DBET: variants seen among roughly 807,000 people sequenced by gnomAD.
The protein encoded by DBET is D4Z4 binding element transcript (non-protein coding).
At chr4:190,065,109 T>C (rs1299454742) in exon 1 of DBET, 1 of 463,908 alleles carries the variant, frequency 2.2e-6, no homozygotes, top group African/African-American at 2.8e-5. Context: ...TTGGCATTGC[T>C]TTTGGGGATC....
At chr4:190,064,917 T>A in exon 1 of DBET, 1 of 232,292 alleles carries the variant, frequency 4.3e-6, no homozygotes, top group Non-Finnish European at 8.1e-6. Context: ...CAGTGCAAAC[T>A]GTTTTCAGAA....
chr4:190,065,042 G>C lies in DBET; in HGVS notation n.541G>C, dbSNP rs1172861140. On this transcript the variant is annotated non_coding_transcript_exon_variant, in exon 1 of 1. Coordinates refer to ENST00000630918, the Ensembl canonical transcript of DBET. ...CCTCCCAGAATCTTAAAGTGCATTC[G>C]AACTCACAGGCAAAATCCTCCCAGA... is the stretch of plus-strand genomic sequence containing the variant. 3.3e-5 allele frequency: 14 copies of C among 429,498 alleles called. 2 individuals carry two copies. The highest frequency in any genetic ancestry group is 4.9e-5 in the Non-Finnish European group (12 of 243,308). 26.6% of individuals were successfully genotyped at this position (429,498 alleles called of 1,614,324 possible).
exon 1 of DBET, chr4:190,064,635 A>G (rs1162647161): frequency 7.3e-6 from 1 of 137,144 alleles, no homozygotes; most frequent in Admixed American, 7.1e-5. Flanking sequence ...GAAAGAATCT[A>G]GTCATTAGAC....
At chr4:190,065,821 G>T (rs868986551) in exon 1 of DBET, 1,624 of 55,856 alleles carry the variant, frequency 0.029, 74 homozygotes, top group East Asian at 0.093. Flanking sequence ...TCCTAGAAAC[G>T]GAGGCCCCGG....
Position 190,065,829 on chromosome 4 carries a change from C to T in DBET, n.1328C>T, listed in dbSNP as rs1339821155. 9.8e-4 allele frequency: 77 copies of T among 78,712 alleles called. 2 individuals are homozygous for T. Among genetic ancestry groups the T allele is most frequent in the Middle Eastern group, 8.4e-3 (2 of 238 alleles). 4.9% of individuals were successfully genotyped at this position (78,712 alleles called of 1,614,324 possible). A position where few individuals can be genotyped will look rare whatever the true frequency, so the allele number is the denominator to read the frequency against. The stretch of plus-strand genomic sequence containing the variant: ...CAACCTCTCCTAGAAACGGAGGCCC[C>T]GGGGGAGCTGGAGGCCTCGGAAGAG... On this transcript the variant is annotated non_coding_transcript_exon_variant, in exon 1 of 1. Coordinates refer to ENST00000630918, the Ensembl canonical transcript of DBET.
chr4:190,064,637 T>A (rs1740565608), exon 1 of DBET: 1 of 136,916 alleles, frequency 7.3e-6, no homozygotes, highest in Admixed American at 7.1e-5. Context: ...AAGAATCTAG[T>A]CATTAGACAA....
chr4:190,064,684 C>A (rs1740566731), exon 1 of DBET: 1 of 133,104 alleles, frequency 7.5e-6, no homozygotes, highest in Non-Finnish European at 1.6e-5. Flanking sequence ...ACATATTCTA[C>A]TGTTTTAATT....
At chr4:190,064,660 C>A (rs1452324646) in exon 1 of DBET, 4 of 134,606 alleles carry the variant, frequency 3.0e-5, no homozygotes, top group Non-Finnish European at 6.3e-5. Context: ...TATCAAAAAG[C>A]CAAACATTTC....
chr4:190,064,547 A>C (rs1465266151), exon 1 of DBET: 1 of 138,606 alleles, frequency 7.2e-6, no homozygotes, highest in African/African-American at 3.1e-5. Flanking sequence ...TGTAGCAAAC[A>C]CTCATCTTTC....
At chr4:190,065,060 C>A in exon 1 of DBET, 1 of 439,950 alleles carries the variant, frequency 2.3e-6, no homozygotes, top group East Asian at 3.5e-5. Context: ...AGGCAAAATC[C>A]TCCCAGAATC....
chr4:190,064,533 G>A (rs1740562350), exon 1 of DBET: 1 of 137,398 alleles, frequency 7.3e-6, no homozygotes, highest in Non-Finnish European at 1.5e-5. Flanking sequence ...AGTTTCACTA[G>A]TGCTGTAGCA....
exon 1 of DBET, chr4:190,064,986 T>C (rs1430888007): frequency 8.1e-6 from 3 of 368,360 alleles, no homozygotes; most frequent in East Asian, 7.7e-5. Context: ...ATGCTTATTC[T>C]ACTCTGCAAT....
chr4:190,064,948 G>A, exon 1 of DBET: 1 of 278,194 alleles, frequency 3.6e-6, no homozygotes, highest in South Asian at 7.1e-5. Flanking sequence ...TATTTTCCTT[G>A]CTGTAACAGA....
exon 1 of DBET, chr4:190,064,539 T>G (rs1740562494): frequency 7.3e-6 from 1 of 137,706 alleles, no homozygotes. Flanking sequence ...ACTAGTGCTG[T>G]AGCAAACACT....
rs1262753823 is a variant in DBET, at chr4:190,064,574, A to G, written n.73A>G. ...TCATCTTTCTTCTCAGCAGACACAAACTGTCATCTATATGACTCCATCATG... is the reference window on the plus strand; with the variant it reads ...TCATCTTTCTTCTCAGCAGACACAAGCTGTCATCTATATGACTCCATCATG... On this transcript the variant is annotated non_coding_transcript_exon_variant, in exon 1 of 1. Transcript: ENST00000630918. The G allele has an allele frequency of 1.4e-5, 2 of 139,494 alleles. 1 individual carries two copies. Among genetic ancestry groups the G allele is most frequent in the African/African-American group, 6.1e-5 (2 of 32,774 alleles). The allele number at this position is 139,494 out of a possible 1,614,324, so 8.6% of individuals were successfully genotyped here. A position where few individuals can be genotyped will look rare whatever the true frequency, so the allele number is the denominator to read the frequency against.
chr4:190,066,609 GCA>G (rs1740672082), exon 1 of DBET: 2 of 1,478 alleles, frequency 1.4e-3, no homozygotes, highest in Non-Finnish European at 4.2e-3. Flanking sequence ...TAGGAGGGAG[GCA>G]GGGAGGCAGG....
At chr4:190,065,164 A>T (rs2856397) in exon 1 of DBET, 211,746 of 477,926 alleles carry the variant, frequency 0.44, 66,454 homozygotes, top group African/African-American at 0.63. Context: ...TCATGCCATT[A>T]TTTATAAATC....
chr4:190,065,861 C>T (rs1579774148), exon 1 of DBET: 1 of 102,610 alleles, frequency 9.7e-6, no homozygotes, highest in South Asian at 4.1e-5. Context: ...AGAGGCGCCT[C>T]GCTGGAAGCA....
rs1412798042 is a variant in DBET at position 190,064,834 on chromosome 4, G to A, written n.333G>A. 2.8e-4 allele frequency: 39 copies of A among 138,410 alleles called. 6 individuals are homozygous for A. Among genetic ancestry groups the A allele is most frequent in the Non-Finnish European group, 3.0e-5 (2 of 65,924 alleles). The allele number at this position is 138,410 out of a possible 1,614,324, so 8.6% of individuals were successfully genotyped here. On this transcript the variant is annotated non_coding_transcript_exon_variant, in exon 1 of 1. Transcript: ENST00000630918. ...GCACCAATGAAAAAAAAATTTACAA[G>A]AGAAAAACAAAAAACCCTATTAAAC...
Sources: gnomAD v4.1 joint callset for allele counts on GRCh38, gnomAD v4.1.1 for gene constraint, MANE v1.5 for transcripts, NCBI Gene and HGNC (gene_info 2026-07-23, HGNC 2026-07-21) for gene names.